Variants in MALT1 observed in about 807,000 individuals in gnomAD.
The protein encoded by MALT1 is mucosa-associated lymphoid tissue lymphoma translocation protein 1.
Under a neutral mutation model 85.5 loss-of-function variants are expected in MALT1, and 36 were observed. The ratio of observed to expected loss-of-function variants is 0.42; its 90% CI spans 0.32 to 0.56. MALT1 has a LOEUF of 0.56. Among genes scored for constraint, MALT1 ranks in the 20% least tolerant of loss-of-function variants. MALT1 has a pLI of 0.10. For synonymous variants in MALT1, 359 were observed against 361.3 expected (o/e 0.99, Z 0.07); for missense variants, 716 against 981.6 (o/e 0.73, Z 3.62).
chr18:58,672,792 T>A (rs2054184287), intron 1 of MALT1: 1 of 152,248 alleles, frequency 6.6e-6, no homozygotes, highest in African/African-American at 2.4e-5. Context: ...GATTCGTTTA[T>A]GTGCTTCTGC....
In MALT1 at chr18:58,747,924, A is replaced by G. The variant is rs1050255844; in HGVS notation, c.*82A>G. ...TTACATAAAGTGAGACATTGTGAAA[A>G]GGCAAATTTGTATATGTAGAGAAAG... On this transcript the variant is annotated 3_prime_UTR_variant, in exon 17 of 17. Coordinates refer to ENST00000649217, the MANE Select transcript of MALT1 (RefSeq NM_006785.4). 8.9e-7 allele frequency: 1 copy of G among 1,119,078 alleles called. No homozygotes were observed. The highest frequency in any genetic ancestry group is 1.6e-5 in the African/African-American group (1 of 64,478). 69.3% of individuals were successfully genotyped at this position (1,119,078 alleles called of 1,614,324 possible). A position where few individuals can be genotyped will look rare whatever the true frequency, so the allele number is the denominator to read the frequency against.
chr18:58,740,940 A>G (rs2055293322), intron 13 of MALT1, among the ~76,000 whole-genome samples: 1 of 151,934 alleles, frequency 6.6e-6, no homozygotes, highest in Non-Finnish European at 1.5e-5. Flanking sequence ...AAATGTTTAT[A>G]TTTTCTTATT....
chr18:58,717,363 A>C (rs2054917217), intron 9 of MALT1, among the ~76,000 whole-genome samples: 1 of 107,900 alleles, frequency 9.3e-6, no homozygotes, highest in South Asian at 3.1e-4. Flanking sequence ...ACTCTGTCTC[A>C]AAAAAAAAAA....
intron 1 of MALT1, among the ~76,000 whole-genome samples, chr18:58,673,589 G>A (rs2054199001): frequency 6.6e-6 from 1 of 152,098 alleles, no homozygotes; most frequent in Admixed American, 6.6e-5. Context: ...TGAGTAGCTG[G>A]GATTACAGGC....
rs2055413243 is a variant in MALT1 at position 58,749,140 on chromosome 18, T to A, written c.*1298T>A. 4.6e-6 allele frequency: 1 copy of A among 217,950 alleles called. No individual in the cohort carries two copies. The highest frequency in any genetic ancestry group is 5.8e-5 in the Admixed American group (1 of 17,240). The allele number at this position is 217,950 out of a possible 1,614,324, so 13.5% of individuals were successfully genotyped here. On this transcript the variant is annotated 3_prime_UTR_variant, in exon 17 of 17. Transcript: ENST00000649217. Reference sequence around the variant, plus strand: ...TCAAATAAGCTAATATACAGTCAGTTCTCATTATTCACAGTAATTATGTTC... The same window carrying A: ...TCAAATAAGCTAATATACAGTCAGTACTCATTATTCACAGTAATTATGTTC...
rs1294149542 is a variant in MALT1, at chr18:58,747,800, A to G, written c.2433A>G (p.Ile811Met). The G allele has an allele frequency of 1.9e-6, 3 of 1,613,958 alleles. No homozygotes were observed. The highest frequency in any genetic ancestry group is 2.7e-5 in the African/African-American group (2 of 74,932). The change falls in exon 17 of 17, where the codon ATA becomes ATG. Residue 811 changes from isoleucine to methionine, a missense_variant. Transcript: ENST00000649217. ...SNVPVETTDE[I>M]PFSFSDRLRI... ...TGCCAGTAGAGACAACTGATGAAAT[A>G]CCATTTAGTTTCTCTGACAGGCTCA...
At position 58,745,648 on chromosome 18, in the gene MALT1, T is replaced by TG. The variant is rs764526823; in HGVS notation, c.1912-18_1912-17insG. 1.3e-6 allele frequency: 2 copies of TG among 1,597,304 alleles called. No homozygotes were observed. Among genetic ancestry groups the TG allele is most frequent in the African/African-American group, 2.7e-5 (2 of 74,174 alleles). On this transcript the variant is annotated splice_polypyrimidine_tract_variant and intron_variant, in intron 15 of 16. Transcript: ENST00000649217. ...CATTGATTTCATTATTAACAGTCCC[T>TG]AATTTTTTTTTTTACAGGATCTAGA... is the stretch of plus-strand genomic sequence containing the variant.
chr18:58,701,995 C>A (rs145895860), intron 4 of MALT1, among the ~76,000 whole-genome samples: 117 of 152,260 alleles, frequency 7.7e-4, no homozygotes, highest in African/African-American at 2.7e-3. Flanking sequence ...AATATTCTTA[C>A]ATTTAAAGCA....
At chr18:58,739,813 A>G (rs1302220022) in intron 13 of MALT1, among the ~76,000 whole-genome samples, 2 of 102,924 alleles carry the variant, frequency 1.9e-5, no homozygotes, top group Non-Finnish European at 3.7e-5. Context: ...ACACATACAC[A>G]CACACACACA....
chr18:58,732,195 A>G (rs921732614), intron 10 of MALT1, among the ~76,000 whole-genome samples: 14 of 152,128 alleles, frequency 9.2e-5, no homozygotes, highest in African/African-American at 3.4e-4. Context: ...CAGAATATTG[A>G]GAGAGCAAAA....
Position 58,744,353 on chromosome 18 carries a change from T to C in MALT1, c.1769T>C (p.Met590Thr). 6.3e-7 allele frequency: 1 copy of C among 1,596,998 alleles called. No individual in the cohort carries two copies. Among genetic ancestry groups the C allele is most frequent in the Non-Finnish European group, 8.5e-7 (1 of 1,171,996 alleles). ...TCTTTTTCAGAACTTCCAGAAAGTA[T>C]GTGTCTTAAGTTTGACTGTGGTGTT... ...WAKAHELPES[M>T]CLKFDCGVQI... The change falls in exon 15 of 17, where the codon ATG becomes ACG. Residue 590 changes from methionine to threonine, a missense_variant. By Grantham distance (81) the Met-to-Thr change is moderately conservative (BLOSUM62 -1). Coordinates refer to ENST00000649217, the MANE Select transcript of MALT1 (RefSeq NM_006785.4).
chr18:58,727,616 G>GTTTTTTTTTTTTTTTTT lies in MALT1; in HGVS notation c.1222+4376_1222+4377insTTTTTTTTTTTTTTTTT, dbSNP rs751434443. ...ACCCAGCCTGCCAAAGGTTTTTTGT[G>GTTTTTTTTTTTTTTTTT]TTTTTTTTTTTGTTTTTTTTTTTTT... is the stretch of plus-strand genomic sequence containing the variant. On this transcript the variant is annotated intron_variant, in intron 10 of 16. Transcript: ENST00000649217. 3.7e-4 allele frequency among the ~76,000 whole-genome samples: 45 copies of GTTTTTTTTTTTTTTTTT among 121,256 alleles called. 2 individuals carry two copies. The highest frequency in any genetic ancestry group is 1.2e-3 in the African/African-American group (37 of 30,654). The allele number at this position is 121,256 out of a possible 152,430, so 79.5% of individuals were successfully genotyped here. A position where few individuals can be genotyped will look rare whatever the true frequency, so the allele number is the denominator to read the frequency against.
intron 2 of MALT1, among the ~76,000 whole-genome samples, chr18:58,684,714 G>A (rs1017260182): frequency 1.3e-5 from 2 of 151,980 alleles, no homozygotes; most frequent in Non-Finnish European, 1.5e-5. Context: ...CCAAAGTGCT[G>A]GGATTACAGG....
rs1202656921 is a variant in MALT1, at chr18:58,750,558, G to C, written c.*2716G>C. 6.6e-6 allele frequency: 1 copy of C among 152,184 alleles called. No homozygotes were observed. Among genetic ancestry groups the C allele is most frequent in the Admixed American group, 6.5e-5 (1 of 15,276 alleles). 9.4% of individuals were successfully genotyped at this position (152,184 alleles called of 1,614,324 possible). On this transcript the variant is annotated 3_prime_UTR_variant, in exon 17 of 17. Coordinates refer to ENST00000649217, the MANE Select transcript of MALT1 (RefSeq NM_006785.4). Reference sequence around the variant, plus strand: ...ACATATCGATCAGAGGAATGGAACTGAACATCCAGAAATAAACCCATACAT... The same window carrying C: ...ACATATCGATCAGAGGAATGGAACTCAACATCCAGAAATAAACCCATACAT...
chr18:58,747,287 C>G, intron 16 of MALT1, 118 bp from the exon 17 acceptor site: 2 of 663,116 alleles, frequency 3.0e-6, no homozygotes, highest in Non-Finnish European at 5.3e-6. Context: ...GGATTTGGAA[C>G]CTGGGAAAGG....
chr18:58,721,221 A>C (rs938884880), intron 9 of MALT1, among the ~76,000 whole-genome samples: 2 of 152,110 alleles, frequency 1.3e-5, no homozygotes, highest in African/African-American at 4.8e-5. Context: ...CTCTACTAAA[A>C]ATACAAAATT....
At chr18:58,739,361 T>A (rs1259129647) in intron 13 of MALT1, among the ~76,000 whole-genome samples, 1 of 152,204 alleles carries the variant, frequency 6.6e-6, no homozygotes, top group African/African-American at 2.4e-5. Flanking sequence ...ATCAGTGGCA[T>A]ACAGAGTATC....
At chr18:58,707,213 C>T (rs907266873) in intron 4 of MALT1, among the ~76,000 whole-genome samples, 1 of 151,410 alleles carries the variant, frequency 6.6e-6, no homozygotes, top group East Asian at 1.9e-4. Context: ...TTCAATTTCT[C>T]ACTGCTGAAA....
Position 58,748,432 on chromosome 18 carries a change from T to C in MALT1, c.*590T>C. On this transcript the variant is annotated 3_prime_UTR_variant, in exon 17 of 17. Coordinates refer to ENST00000649217, the MANE Select transcript of MALT1 (RefSeq NM_006785.4). Reference sequence around the variant, plus strand: ...CATATCTGTGTATTATCTCAAGGAATGTACAAACTTTAGTTTTTGATTATA... The same window carrying C: ...CATATCTGTGTATTATCTCAAGGAACGTACAAACTTTAGTTTTTGATTATA... 5.5e-6 allele frequency: 1 copy of C among 180,404 alleles called. No homozygotes were observed. 11.2% of individuals were successfully genotyped at this position (180,404 alleles called of 1,614,324 possible).
Sources: allele counts gnomAD v4.1 joint callset (sites outside exome capture counted in the v4.1 genomes callset), GRCh38; gene constraint gnomAD v4.1.1; transcripts MANE v1.5; gene names NCBI Gene and HGNC (gene_info 2026-07-23, HGNC 2026-07-21).